Variants in DPP4 observed in about 807,000 individuals in gnomAD.
The protein encoded by DPP4 is ADCP-2.
A neutral mutation model predicts 122.4 loss-of-function variants in DPP4; 93 were observed. The observed-to-expected ratio is 0.76, with a 90% CI of 0.64 to 0.90. The LOEUF is 0.90. Among genes scored for constraint, DPP4 ranks in the 40% least tolerant of loss-of-function variants. The probability of loss-of-function intolerance (pLI) is 0.00; values close to 1 mark genes in which losing one functional copy is unlikely to be tolerated. For synonymous variants in DPP4, 321 were observed against 302.9 expected (o/e 1.06, Z -0.62); for missense variants, 914 against 907.3 (o/e 1.01, Z -0.09).
chr2:162,032,680 A>G (rs1236454155), intron 10 of DPP4, among the ~76,000 whole-genome samples: 6 of 150,112 alleles, frequency 4.0e-5, no homozygotes, highest in South Asian at 2.1e-4. Flanking sequence ...CTCTGTCTCA[A>G]AAAAACAAAC....
intron 1 of DPP4, chr2:162,073,719 C>G: frequency 1.5e-6 from 1 of 673,054 alleles, no homozygotes; most frequent in Non-Finnish European, 2.5e-6. Context: ...TTCTCTACCC[C>G]TGCCCGGGTT....
At chr2:162,068,012 T>C (rs893697453) in intron 2 of DPP4, among the ~76,000 whole-genome samples, 3 of 152,210 alleles carry the variant, frequency 2.0e-5, no homozygotes, top group African/African-American at 7.2e-5. Flanking sequence ...TATATCTCTC[T>C]AAAATGAACT....
intron 21 of DPP4, 110 bp from the exon 22 acceptor site, chr2:162,008,771 G>A (rs1701347598): frequency 6.3e-6 from 6 of 956,622 alleles, no homozygotes; most frequent in African/African-American, 1.6e-5. Flanking sequence ...CCTCTTTAGA[G>A]ATAAAAAGCA....
intron 2 of DPP4, among the ~76,000 whole-genome samples, chr2:162,062,656 C>T (rs571006015): frequency 1.1e-4 from 16 of 152,232 alleles, no homozygotes; most frequent in Non-Finnish European, 1.9e-4. Flanking sequence ...CATTCCTGGC[C>T]ATATGGCCCC....
chr2:162,007,684 A>C (rs1279377733), intron 22 of DPP4, among the ~76,000 whole-genome samples: 2 of 152,166 alleles, frequency 1.3e-5, no homozygotes, highest in African/African-American at 2.4e-5. Context: ...AGAACAATTA[A>C]TATCAAGCAG....
chr2:161,995,721 T>C (rs1467204949), intron 23 of DPP4, among the ~76,000 whole-genome samples: 1 of 152,214 alleles, frequency 6.6e-6, no homozygotes, highest in Non-Finnish European at 1.5e-5. Flanking sequence ...GTATGTTCCA[T>C]GGGCTTCTGC....
chr2:162,016,668 T>G (rs1682938006), intron 18 of DPP4, 100 bp downstream of exon 18: 2 of 708,758 alleles, frequency 2.8e-6, no homozygotes, highest in Admixed American at 3.2e-5. Context: ...TAAATTAGAT[T>G]TATATATAAT....
chr2:162,063,022 G>A (rs1329139898), intron 2 of DPP4, among the ~76,000 whole-genome samples: 1 of 152,082 alleles, frequency 6.6e-6, no homozygotes, highest in East Asian at 1.9e-4. Flanking sequence ...ATAATTTAGG[G>A]GAAGGGCAAT....
intron 5 of DPP4, among the ~76,000 whole-genome samples, chr2:162,042,409 C>T (rs73009103): frequency 4.5e-4 from 69 of 152,234 alleles, no homozygotes; most frequent in African/African-American, 1.6e-3. Context: ...CACTCACTTG[C>T]TCATTTATTT....
chr2:162,043,208 G>A (rs1684049641), intron 5 of DPP4, among the ~76,000 whole-genome samples: 1 of 152,126 alleles, frequency 6.6e-6, no homozygotes, highest in African/African-American at 2.4e-5. Flanking sequence ...TGATCCTAAG[G>A]TGCAGATGAG....
chr2:162,006,451 T>C (rs1250303924), intron 22 of DPP4, among the ~76,000 whole-genome samples: 2 of 152,184 alleles, frequency 1.3e-5, no homozygotes, highest in Admixed American at 1.3e-4. Context: ...TATATCCCCA[T>C]ATTGGCTCAG....
At chr2:162,033,858 A>ATG (rs1203186051) in intron 9 of DPP4, among the ~76,000 whole-genome samples, 32 of 104,406 alleles carry the variant, frequency 3.1e-4, no homozygotes, top group Non-Finnish European at 3.5e-4. Context: ...GAAACAGAAT[A>ATG]TGTGTATATA....
intron 2 of DPP4, among the ~76,000 whole-genome samples, chr2:162,062,665 C>T (rs1684817981): frequency 6.6e-6 from 1 of 152,202 alleles, no homozygotes; most frequent in Admixed American, 6.5e-5. Context: ...CCATATGGCC[C>T]CTCCATCTTC....
intron 2 of DPP4, among the ~76,000 whole-genome samples, chr2:162,065,303 A>G (rs1684912261): frequency 1.3e-5 from 2 of 152,206 alleles, no homozygotes; most frequent in East Asian, 1.9e-4. Flanking sequence ...TGCCCTGTGA[A>G]TGAGCTGTAT....
intron 18 of DPP4, among the ~76,000 whole-genome samples, chr2:162,015,799 C>T (rs902851341): frequency 2.0e-5 from 3 of 152,174 alleles, no homozygotes; most frequent in Non-Finnish European, 4.4e-5. Flanking sequence ...TAGAATGTCA[C>T]ATCTCAGTAT....
chr2:162,020,623 T>A lies in DPP4; in HGVS notation c.1134A>T (p.Glu378Asp), dbSNP rs750295520. Residue 378 changes from glutamate (E) to aspartate (D), a missense_variant, in exon 13 of 26, where the codon GAA becomes GAT. By Grantham distance (45) the Glu-to-Asp change is conservative. Transcript: ENST00000360534. ...GNSFYKIISN[E>D]EGYRHICYFQ... ...AATAGCAAATGTGTCTGTAACCTTCTTCATTGCTGATGATCTTGTAGAAGC... is the reference window on the plus strand; with the variant it reads ...AATAGCAAATGTGTCTGTAACCTTCATCATTGCTGATGATCTTGTAGAAGC... 1 of 1,612,954 alleles carries A rather than the reference T, an allele frequency of 6.2e-7. No homozygotes were observed. Among genetic ancestry groups the A allele is most frequent in the Admixed American group, 1.7e-5 (1 of 59,796 alleles).
At chr2:161,997,793 C>T (rs1210906941) in intron 23 of DPP4, among the ~76,000 whole-genome samples, 1 of 152,170 alleles carries the variant, frequency 6.6e-6, no homozygotes, top group Non-Finnish European at 1.5e-5. Flanking sequence ...GAACAATTCT[C>T]CTTTCAAGAT....
intron 2 of DPP4, among the ~76,000 whole-genome samples, chr2:162,060,136 C>T (rs1226763419): frequency 6.6e-6 from 1 of 152,310 alleles, no homozygotes; most frequent in South Asian, 2.1e-4. Context: ...ATCTTTGGAA[C>T]AGTGATTGCA....
chr2:162,027,915 G>A (rs1325618904), intron 10 of DPP4, among the ~76,000 whole-genome samples: 4 of 152,108 alleles, frequency 2.6e-5, no homozygotes, highest in African/African-American at 9.7e-5. Context: ...GACCCCAGGT[G>A]TACTCTGCAC....
Sources: gnomAD v4.1 joint callset for allele counts (sites outside exome capture counted in the v4.1 genomes callset) on GRCh38, gnomAD v4.1.1 for gene constraint, MANE v1.5 for transcripts, NCBI Gene and HGNC (gene_info 2026-07-23, HGNC 2026-07-21) for gene names.